The following ADAMTSL3 variants were observed in gnomAD, a reference collection of about 807,000 sequenced individuals.
The protein encoded by ADAMTSL3 is ADAMTS like 3, also known as ADAMTS-like protein 3.
In ADAMTSL3, 128 loss-of-function variants were observed where a neutral mutation model predicts 201.7. The observed-to-expected ratio is 0.63, with a 90% CI of 0.55 to 0.73. The LOEUF (loss-of-function observed/expected upper bound fraction) is 0.73. Among genes scored for constraint, ADAMTSL3 ranks in the 30% least tolerant of loss-of-function variants. The pLI is 0.00. For synonymous variants in ADAMTSL3, 738 were observed against 748.4 expected, an observed-to-expected ratio of 0.99 and a Z score of 0.23; for missense variants, 1,990 against 2,119.6, an observed-to-expected ratio of 0.94 and a Z score of 1.20.
At chr15:83,891,424 G>T in intron 12 of ADAMTSL3, 45 bp downstream of exon 12, 2 of 1,519,318 alleles carry the variant, frequency 1.3e-6, no homozygotes, top group Non-Finnish European at 9.1e-7. Context: ...TAAGTAGTTT[G>T]CAAGGAACTG....
chr15:84,016,417 G>T lies in ADAMTSL3; in HGVS notation c.4191G>T (p.Leu1397=), dbSNP rs750581420. 1.9e-6 allele frequency: 3 copies of T among 1,613,662 alleles called. No individual in the cohort carries two copies. Among genetic ancestry groups the T allele is most frequent in the Admixed American group, 1.7e-5 (1 of 59,970 alleles). Residue 1397 remains leucine, a synonymous_variant, in exon 25 of 30, where the codon CTG becomes CTT. Coordinates refer to ENST00000286744, the MANE Select transcript of ADAMTSL3 (RefSeq NM_207517.3). ...GGCCAGAGAGTAGAATCGTATTTCTGCAAGGACATAAAAAGTACATTCTCC... is the reference window on the plus strand; with the variant it reads ...GGCCAGAGAGTAGAATCGTATTTCTTCAAGGACATAAAAAGTACATTCTCC... ...RRWPESRIVF[L]QGHKKYILQA...
chr15:83,821,127 C>CA (rs1201969618), intron 6 of ADAMTSL3, among the ~76,000 whole-genome samples: 1 of 151,730 alleles, frequency 6.6e-6, no homozygotes, highest in Non-Finnish European at 1.5e-5. Context: ...ACAGGGATGG[C>CA]AGGGAAATTA....
intron 9 of ADAMTSL3, among the ~76,000 whole-genome samples, chr15:83,875,885 A>G (rs1206808191): frequency 1.3e-5 from 2 of 152,226 alleles, no homozygotes; most frequent in African/African-American, 4.8e-5. Context: ...GTGTCTGTAG[A>G]CTGGAAAGGA....
intron 7 of ADAMTSL3, among the ~76,000 whole-genome samples, chr15:83,847,630 G>A (rs531793729): frequency 6.6e-6 from 1 of 151,974 alleles, no homozygotes; most frequent in African/African-American, 2.4e-5. Context: ...TGAATAGCTG[G>A]GATTACAGTC....
chr15:83,876,758 A>G (rs1014954224), intron 9 of ADAMTSL3, among the ~76,000 whole-genome samples: 1 of 151,990 alleles, frequency 6.6e-6, no homozygotes, highest in Non-Finnish European at 1.5e-5. Context: ...CAGCCTTCCA[A>G]GTAGTTGAGA....
At chr15:84,016,625 G>T in intron 25 of ADAMTSL3, 126 bp downstream of exon 25, 1 of 795,032 alleles carries the variant, frequency 1.3e-6, no homozygotes, top group South Asian at 1.9e-5. Flanking sequence ...CATTTGGCCA[G>T]CCTTTTTCTT....
At chr15:83,844,984 A>T (rs1027490962) in intron 7 of ADAMTSL3, among the ~76,000 whole-genome samples, 14 of 152,068 alleles carry the variant, frequency 9.2e-5, no homozygotes, top group Admixed American at 5.9e-4. Context: ...TCATTCCCTA[A>T]TCCCCAGTTA....
intron 3 of ADAMTSL3, among the ~76,000 whole-genome samples, chr15:83,736,959 C>T (rs2062378142): frequency 6.6e-6 from 1 of 152,138 alleles, no homozygotes; most frequent in Non-Finnish European, 1.5e-5. Flanking sequence ...GAGGACCAAA[C>T]ACAACAGAAG....
chr15:83,684,065 A>G (rs1475908872), intron 2 of ADAMTSL3, among the ~76,000 whole-genome samples: 1 of 152,234 alleles, frequency 6.6e-6, no homozygotes, highest in Non-Finnish European at 1.5e-5. Context: ...TAGATTTGAA[A>G]CCTGAAGCAA....
At chr15:83,763,789 G>C (rs1044483743) in intron 3 of ADAMTSL3, among the ~76,000 whole-genome samples, 1 of 152,260 alleles carries the variant, frequency 6.6e-6, no homozygotes, top group South Asian at 2.1e-4. Context: ...ACAGGCGTGA[G>C]CCACCGCACC....
At chr15:83,896,559 A>G (rs2065619202) in intron 13 of ADAMTSL3, among the ~76,000 whole-genome samples, 1 of 152,148 alleles carries the variant, frequency 6.6e-6, no homozygotes, top group South Asian at 2.1e-4. Flanking sequence ...GGTTGGAACA[A>G]TGGCACCACA....
chr15:84,015,135 G>A (rs1392466860), intron 24 of ADAMTSL3, among the ~76,000 whole-genome samples: 5 of 152,038 alleles, frequency 3.3e-5, no homozygotes, highest in Non-Finnish European at 7.4e-5. Context: ...TAGTAGAGAT[G>A]GGGTTTCACC....
At chr15:83,693,898 CTAACACTCCATTCTT>C (rs1053910827) in intron 2 of ADAMTSL3, among the ~76,000 whole-genome samples, 9 of 152,120 alleles carry the variant, frequency 5.9e-5, no homozygotes, top group African/African-American at 2.2e-4. Context: ...AAGAATTAAC[CTAACACTCCATTCTT>C]TTGAGATTCT....
chr15:83,675,490 A>G (rs567927962), intron 2 of ADAMTSL3, among the ~76,000 whole-genome samples: 65 of 152,004 alleles, frequency 4.3e-4, no homozygotes, highest in African/African-American at 1.5e-3. Flanking sequence ...GTCATGGCCT[A>G]TCATTCTTTT....
chr15:83,785,943 A>G (rs2063255962), intron 4 of ADAMTSL3, among the ~76,000 whole-genome samples: 1 of 151,838 alleles, frequency 6.6e-6, no homozygotes, highest in Non-Finnish European at 1.5e-5. Context: ...TCCTAGATTC[A>G]AGTGATTCTT....
chr15:83,780,291 T>C (rs1444474132), intron 4 of ADAMTSL3, among the ~76,000 whole-genome samples: 2 of 151,864 alleles, frequency 1.3e-5, no homozygotes, highest in Non-Finnish European at 2.9e-5. Context: ...GCACCTGTAA[T>C]GCCAGCTACT....
intron 19 of ADAMTSL3, among the ~76,000 whole-genome samples, chr15:83,945,542 G>A (rs573937450): frequency 6.6e-6 from 1 of 152,282 alleles, no homozygotes; most frequent in South Asian, 2.1e-4. Context: ...GGGTAGCCTG[G>A]GTGGGCTAGT....
At chr15:83,962,900 G>C (rs2067000444) in intron 19 of ADAMTSL3, among the ~76,000 whole-genome samples, 1 of 152,146 alleles carries the variant, frequency 6.6e-6, no homozygotes, top group Non-Finnish European at 1.5e-5. Context: ...CTCCTTACCT[G>C]GGAAGTGCAA....
chr15:83,924,036 A>G lies in ADAMTSL3; in HGVS notation c.2117+3A>G, dbSNP rs371361713. 4 of 1,613,820 alleles carry G rather than the reference A, an allele frequency of 2.5e-6. No homozygotes were observed. The highest frequency in any genetic ancestry group is 1.1e-5 in the South Asian group (1 of 91,080). The stretch of plus-strand genomic sequence containing the variant: ...AACACAGAGCCCTGTCCCCCCAGGT[A>G]TGTGCTGTCTTGTGTTCCTGGTATA... On this transcript the variant is annotated splice_donor_region_variant and intron_variant, in intron 17 of 29. Coordinates refer to ENST00000286744, the MANE Select transcript of ADAMTSL3 (RefSeq NM_207517.3).
Sources: allele counts gnomAD v4.1 joint callset (sites outside exome capture counted in the v4.1 genomes callset), GRCh38; gene constraint gnomAD v4.1.1; transcripts MANE v1.5; gene names NCBI Gene and HGNC (gene_info 2026-07-23, HGNC 2026-07-21).